NIBAN1: variants seen among roughly 807,000 people sequenced by gnomAD.
NIBAN1 encodes niban apoptosis regulator 1.
In NIBAN1, 81 loss-of-function variants were observed where a neutral mutation model predicts 75.1. That is an observed-to-expected ratio of 1.08 (90% CI 0.90 to 1.30). NIBAN1 has a LOEUF of 1.30. NIBAN1 is among the 50% of genes most tolerant of loss of function. The pLI is 0.00. For synonymous variants in NIBAN1, 436 were observed against 424.8 expected (o/e 1.03, Z -0.32); for missense variants, 1,133 against 1,128.1 (o/e 1.00, Z -0.06).
intron 1 of NIBAN1, among the ~76,000 whole-genome samples, chr1:184,902,256 T>C (rs535276622): frequency 1.8e-4 from 27 of 152,222 alleles, no homozygotes; most frequent in Non-Finnish European, 3.1e-4. Flanking sequence ...AATAGTCTGA[T>C]GTTGGAGCAA....
intron 1 of NIBAN1, among the ~76,000 whole-genome samples, chr1:184,928,601 C>T (rs1657742266): frequency 6.6e-6 from 1 of 152,196 alleles, no homozygotes; most frequent in Non-Finnish European, 1.5e-5. Flanking sequence ...TTGCTTTCCA[C>T]TGTGACAGGG....
chr1:184,870,207 T>C (rs189165798), intron 5 of NIBAN1, among the ~76,000 whole-genome samples: 37 of 152,368 alleles, frequency 2.4e-4, no homozygotes, highest in African/African-American at 8.7e-4. Flanking sequence ...TATCTTTAAA[T>C]AACCTTAAAT....
chr1:184,926,519 T>C (rs974189873), intron 1 of NIBAN1, among the ~76,000 whole-genome samples: 9 of 152,220 alleles, frequency 5.9e-5, no homozygotes, highest in African/African-American at 2.2e-4. Context: ...ATTACAGACA[T>C]GAGCCACCAC....
At chr1:184,924,797 G>A (rs1301823567) in intron 1 of NIBAN1, among the ~76,000 whole-genome samples, 2 of 152,044 alleles carry the variant, frequency 1.3e-5, no homozygotes, top group Non-Finnish European at 2.9e-5. Flanking sequence ...ATTTCTCTTA[G>A]GTTTTCCAAC....
intron 1 of NIBAN1, among the ~76,000 whole-genome samples, chr1:184,946,468 A>G (rs1407766697): frequency 1.3e-5 from 2 of 152,098 alleles, no homozygotes; most frequent in African/African-American, 4.8e-5. Flanking sequence ...TCTGATTCTC[A>G]AAAAGAGGAA....
intron 6 of NIBAN1, among the ~76,000 whole-genome samples, chr1:184,831,556 C>G (rs997153116): frequency 6.6e-6 from 1 of 152,158 alleles, no homozygotes; most frequent in African/African-American, 2.4e-5. Flanking sequence ...TCTGGAAGCA[C>G]GAGGTCATTT....
At chr1:184,834,478 G>A (rs927184394) in intron 5 of NIBAN1, among the ~76,000 whole-genome samples, 3 of 152,168 alleles carry the variant, frequency 2.0e-5, no homozygotes, top group African/African-American at 7.2e-5. Flanking sequence ...CACCAACAGT[G>A]TAAAAGCATC....
chr1:184,802,359 G>A (rs573613468), intron 12 of NIBAN1, among the ~76,000 whole-genome samples: 2 of 151,888 alleles, frequency 1.3e-5, no homozygotes, highest in Non-Finnish European at 2.9e-5. Context: ...CCTGAGAGAA[G>A]GTGGATCTGA....
intron 6 of NIBAN1, among the ~76,000 whole-genome samples, chr1:184,824,883 C>T (rs1287130133): frequency 1.3e-5 from 2 of 152,122 alleles, no homozygotes; most frequent in Non-Finnish European, 2.9e-5. Flanking sequence ...CTCTTGGCTC[C>T]CAGGAGGGGG....
chr1:184,926,378 C>T (rs932837511), intron 1 of NIBAN1, among the ~76,000 whole-genome samples: 17 of 152,298 alleles, frequency 1.1e-4, no homozygotes, highest in African/African-American at 4.1e-4. Context: ...GTTGGGGTTA[C>T]AGGCATGCAC....
At position 184,884,636 on chromosome 1, in the gene NIBAN1, G is replaced by C. The variant is rs764275403; in HGVS notation, c.598C>G (p.His200Asp). 4.0e-5 allele frequency: 64 copies of C among 1,613,896 alleles called. No homozygotes were observed. The highest frequency in any genetic ancestry group is 8.5e-7 in the Non-Finnish European group (1 of 1,179,948). ...TGAGAGGGGAGCCGCGCCATACCAT[G>C]ATTGAGATGCCTGACGCAGTCACTC... ...LLSDCVRHLNHDYMKQMTFEA... is the reference protein window; with the variant it reads ...LLSDCVRHLNDDYMKQMTFEA... Residue 200 changes from histidine (H) to aspartate (D), a missense_variant, in exon 5 of 14, where the codon CAT becomes GAT. Physicochemically the swap from His to Asp is moderately conservative, Grantham distance 81. Coordinates refer to ENST00000367511, the MANE Select transcript of NIBAN1 (RefSeq NM_052966.4).
chr1:184,867,242 A>C (rs894960327), intron 5 of NIBAN1, among the ~76,000 whole-genome samples: 24 of 152,032 alleles, frequency 1.6e-4, no homozygotes, highest in Non-Finnish European at 3.4e-4. Context: ...ATAATATTGC[A>C]TTCACTTAAC....
chr1:184,813,214 T>C (rs981786935), intron 9 of NIBAN1, among the ~76,000 whole-genome samples: 1 of 152,222 alleles, frequency 6.6e-6, no homozygotes, highest in African/African-American at 2.4e-5. Context: ...TCTGTCTGTC[T>C]ATGTAATTAT....
Position 184,811,649 on chromosome 1 carries a change from C to T in NIBAN1, c.1174-3414G>A, listed in dbSNP as rs1418178275. 5.9e-5 allele frequency among the ~76,000 whole-genome samples: 9 copies of T among 152,020 alleles called. No individual in the cohort carries two copies. In the South Asian group the frequency reaches 1.5e-3, roughly 25 times the overall value. On this transcript the variant is annotated intron_variant, in intron 9 of 13. Coordinates refer to ENST00000367511, the MANE Select transcript of NIBAN1 (RefSeq NM_052966.4). The stretch of plus-strand genomic sequence containing the variant: ...TGGGACTACAGGCACCCCGCCACCA[C>T]GCCCGGCTAATTTTTGGTATTTTTA...
intron 1 of NIBAN1, among the ~76,000 whole-genome samples, chr1:184,915,111 A>C (rs971862455): frequency 1.3e-5 from 2 of 152,176 alleles, no homozygotes; most frequent in African/African-American, 2.4e-5. Flanking sequence ...CTTCATCTTA[A>C]AATAGGGATA....
intron 8 of NIBAN1, among the ~76,000 whole-genome samples, chr1:184,822,441 A>G (rs965097675): frequency 1.2e-4 from 18 of 152,244 alleles, no homozygotes; most frequent in African/African-American, 3.6e-4. Context: ...AAGCAGCCAC[A>G]GACAATACAT....
chr1:184,832,021 T>C, intron 5 of NIBAN1, 59 bp from the exon 6 acceptor site: 1 of 1,228,594 alleles, frequency 8.1e-7, no homozygotes, highest in Non-Finnish European at 1.2e-6. Context: ...TCCCCATAGC[T>C]CTTCAAGTGT....
chr1:184,900,596 G>A (rs1227283601), intron 1 of NIBAN1, among the ~76,000 whole-genome samples: 1 of 152,172 alleles, frequency 6.6e-6, no homozygotes, highest in Non-Finnish European at 1.5e-5. Context: ...GGGACAGGGA[G>A]AGTCAGACAC....
chr1:184,893,958 C>T, intron 3 of NIBAN1, 117 bp downstream of exon 3: 3 of 1,036,614 alleles, frequency 2.9e-6, no homozygotes, highest in Non-Finnish European at 4.1e-6. Context: ...TATTTTTGTA[C>T]CAGTACCATG....
Sources: gnomAD v4.1 joint callset for allele counts (sites outside exome capture counted in the v4.1 genomes callset) on GRCh38, gnomAD v4.1.1 for gene constraint, MANE v1.5 for transcripts, NCBI Gene and HGNC (gene_info 2026-07-23, HGNC 2026-07-21) for gene names.